Variants in KLF8 observed in about 807,000 individuals in gnomAD.
The protein encoded by KLF8 is KLF transcription factor 8.
Under a neutral mutation model 18.2 loss-of-function variants are expected in KLF8, and 10 were observed. The ratio of observed to expected loss-of-function variants is 0.55; its 90% CI spans 0.34 to 0.93. The LOEUF is 0.93. Among genes scored for constraint, KLF8 ranks in the 40% least tolerant of loss-of-function variants. KLF8 has a pLI of 0.02. For missense variants in KLF8, 264 were observed against 277.9 expected (o/e 0.95, Z 0.36); for synonymous variants, 109 against 97.3 (o/e 1.12, Z -0.71).
intron 1 of KLF8, among the ~76,000 whole-genome samples, chrX:56,235,874 C>T (rs925374055): frequency 4.5e-5 from 5 of 111,840 alleles, no homozygotes; most frequent in East Asian, 2.8e-4. Flanking sequence ...TCATAAGTTG[C>T]GGTCTCATCA....
chrX:56,152,279 G>A, the KLF8 span, among the ~76,000 whole-genome samples: 27 of 111,435 alleles, frequency 2.4e-4, no homozygotes, highest in Non-Finnish European at 4.5e-4. Flanking sequence ...ATAGTGCATG[G>A]CAGATGGTAC....
the KLF8 span, among the ~76,000 whole-genome samples, chrX:56,186,666 A>G: frequency 8.9e-6 from 1 of 111,877 alleles, no homozygotes; most frequent in Non-Finnish European, 1.9e-5. Context: ...CAGAAATTAT[A>G]ACAAACTGTC....
the KLF8 span, among the ~76,000 whole-genome samples, chrX:56,158,505 A>T: frequency 3.1e-4 from 35 of 111,776 alleles, no homozygotes; most frequent in African/African-American, 1.1e-3. Flanking sequence ...CACAATATTG[A>T]TTCTTCCTAT....
intron 2 of KLF8, among the ~76,000 whole-genome samples, chrX:56,261,672 A>T (rs2066884534): frequency 9.0e-6 from 1 of 111,634 alleles, no homozygotes; most frequent in African/African-American, 3.3e-5. Context: ...TATAAAGATA[A>T]GGTAAAGCAA....
chrX:56,263,473 C>A (rs745325490), intron 2 of KLF8, among the ~76,000 whole-genome samples: 3 of 103,657 alleles, frequency 2.9e-5, no homozygotes, highest in Admixed American at 2.1e-4. Flanking sequence ...TCATTCCCAG[C>A]CTGCTCTGAG....
At chrX:56,176,363 G>A in the KLF8 span, among the ~76,000 whole-genome samples, 2 of 111,457 alleles carry the variant, frequency 1.8e-5, no homozygotes, top group Non-Finnish European at 3.8e-5. Context: ...CACTTCTGAA[G>A]CTTAGTTTGG....
At chrX:56,157,858 G>A in the KLF8 span, among the ~76,000 whole-genome samples, 1 of 111,177 alleles carries the variant, frequency 9.0e-6, no homozygotes, top group Non-Finnish European at 1.9e-5. Flanking sequence ...CACTCTGATG[G>A]TAGTTTCTTT....
In KLF8 at chrX:56,232,899, C is replaced by G. The variant is rs1167764188; in HGVS notation, c.-436C>G. On this transcript the variant is annotated 5_prime_UTR_variant, in exon 1 of 6. Transcript: ENST00000468660. Reference sequence around the variant, plus strand: ...TGGAGTTCAGAGGATGGGTGGAGAGCGGGCTTGGCCGGAACTGAATTGGTA... The same window carrying G: ...TGGAGTTCAGAGGATGGGTGGAGAGGGGGCTTGGCCGGAACTGAATTGGTA... The G allele has an allele frequency of 7.5e-6, 1 of 133,121 alleles. No individual in the cohort carries two copies. The highest frequency in any genetic ancestry group is 1.5e-5 in the Non-Finnish European group (1 of 67,374). 11.0% of individuals were successfully genotyped at this position (133,121 alleles called of 1,213,427 possible).
the KLF8 span, among the ~76,000 whole-genome samples, chrX:55,980,179 G>A: frequency 9.0e-6 from 1 of 111,706 alleles, no homozygotes; most frequent in African/African-American, 3.3e-5. Context: ...GAGTTTCAGT[G>A]GGGAAAGATC....
intron 2 of KLF8, among the ~76,000 whole-genome samples, chrX:56,262,672 A>ATTG (rs994718952): frequency 3.6e-5 from 4 of 110,819 alleles, no homozygotes; most frequent in African/African-American, 1.3e-4. Flanking sequence ...TATTATTATT[A>ATTG]TTATTTTTGT....
At chrX:56,059,691 C>T in the KLF8 span, among the ~76,000 whole-genome samples, 1 of 111,060 alleles carries the variant, frequency 9.0e-6, no homozygotes, top group African/African-American at 3.3e-5. Flanking sequence ...TCTGAGGCCT[C>T]TGTTCTGTTC....
At chrX:55,963,434 A>G in the KLF8 span, among the ~76,000 whole-genome samples, 1 of 111,559 alleles carries the variant, frequency 9.0e-6, no homozygotes, top group Admixed American at 9.5e-5. Context: ...TCTAGGCTTT[A>G]TGTGCTGCCA....
the KLF8 span, among the ~76,000 whole-genome samples, chrX:55,923,472 G>A: frequency 9.0e-6 from 1 of 110,647 alleles, no homozygotes; most frequent in Non-Finnish European, 1.9e-5. Flanking sequence ...TGCATGTCCT[G>A]CACATGTACC....
the KLF8 span, among the ~76,000 whole-genome samples, chrX:56,142,119 A>G: frequency 9.0e-6 from 1 of 111,205 alleles, no homozygotes; most frequent in African/African-American, 3.3e-5. Flanking sequence ...CTAATAGGCA[A>G]TTATTTTTCG....
intron 4 of KLF8, 33 bp downstream of exon 4, chrX:56,269,522 T>C (rs769671328): frequency 1.2e-4 from 126 of 1,091,863 alleles, no homozygotes; most frequent in Non-Finnish European, 1.7e-5. Context: ...TCTGTCTTTG[T>C]GTATGTGTGT....
chrX:56,158,586 T>A, the KLF8 span, among the ~76,000 whole-genome samples: 1 of 111,866 alleles, frequency 8.9e-6, no homozygotes, highest in East Asian at 2.8e-4. Context: ...TTTGTAGTTC[T>A]CCTTGAAGAG....
At chrX:56,086,617 T>C in the KLF8 span, among the ~76,000 whole-genome samples, 84 of 111,233 alleles carry the variant, frequency 7.6e-4, no homozygotes, top group Admixed American at 2.0e-3. Flanking sequence ...TAAATGTAGC[T>C]TTATTCATAT....
the KLF8 span, among the ~76,000 whole-genome samples, chrX:56,047,571 C>T: frequency 1.8e-4 from 20 of 110,509 alleles, no homozygotes; most frequent in African/African-American, 6.6e-4. Context: ...CAGCTTCATC[C>T]ATGCCCCTAC....
At chrX:56,076,412 C>A in the KLF8 span, among the ~76,000 whole-genome samples, 6 of 105,076 alleles carry the variant, frequency 5.7e-5, no homozygotes, top group African/African-American at 2.1e-4. Flanking sequence ...GTTCTTGCAG[C>A]AGTTTACTGA....
Sources: gnomAD v4.1 joint callset for allele counts (sites outside exome capture counted in the v4.1 genomes callset) on GRCh38, gnomAD v4.1.1 for gene constraint, MANE v1.5 for transcripts, NCBI Gene and HGNC (gene_info 2026-07-23, HGNC 2026-07-21) for gene names.